The following UTRN variants were observed in gnomAD, a reference collection of about 807,000 sequenced individuals.
The protein encoded by UTRN is utrophin.
Under a neutral mutation model 463.9 loss-of-function variants are expected in UTRN, and 283 were observed. The observed-to-expected ratio is 0.61, with a 90% CI of 0.55 to 0.67. UTRN has a LOEUF of 0.67. UTRN is among the 30% of genes least tolerant of loss of function. UTRN has a pLI of 0.00. For missense variants in UTRN, 3,922 were observed against 4,084.3 expected (o/e 0.96, Z 1.08); for synonymous variants, 1,442 against 1,431.5 (o/e 1.01, Z -0.17).
rs115429951 is a variant in UTRN, at chr6:144,715,242, A to T, written c.7809+14999A>T. ...ATTATTTCAGTTGCTTAGGTAACAA[A>T]TAATAATCACCTTTAGTCCTGCCTT... On this transcript the variant is annotated intron_variant, in intron 53 of 74. Transcript: ENST00000367545. Among the ~76,000 whole-genome samples, 1,355 of 152,276 alleles carry T rather than the reference A, an allele frequency of 8.9e-3. 24 individuals carry two copies. Among genetic ancestry groups the T allele is most frequent in the African/African-American group, 0.031 (1,275 of 41,558 alleles).
At chr6:144,498,664 T>C (rs1300547164) in intron 33 of UTRN, among the ~76,000 whole-genome samples, 1 of 152,046 alleles carries the variant, frequency 6.6e-6, no homozygotes, top group African/African-American at 2.4e-5. Context: ...AACAATCTTT[T>C]TTTTTTTTGA....
chr6:144,472,544 G>T (rs1450984889), intron 23 of UTRN, among the ~76,000 whole-genome samples: 1 of 152,070 alleles, frequency 6.6e-6, no homozygotes, highest in Admixed American at 6.6e-5. Flanking sequence ...TTGGTTCTGG[G>T]TGGCATATTT....
chr6:144,327,611 C>G (rs995716021), intron 2 of UTRN, among the ~76,000 whole-genome samples: 2 of 152,050 alleles, frequency 1.3e-5, no homozygotes, highest in African/African-American at 4.8e-5. Context: ...TAACTCTTTC[C>G]GGTGGTTATG....
chr6:144,483,977 G>A (rs113814375), intron 27 of UTRN, among the ~76,000 whole-genome samples: 6,281 of 152,206 alleles, frequency 0.041, 443 homozygotes, highest in African/African-American at 0.14. Flanking sequence ...AGAGTGGACC[G>A]GCAGGTGCCT....
At chr6:144,663,673 G>T (rs1780108276) in intron 51 of UTRN, among the ~76,000 whole-genome samples, 1 of 152,128 alleles carries the variant, frequency 6.6e-6, no homozygotes, top group African/African-American at 2.4e-5. Flanking sequence ...TCTGCTGTGT[G>T]TGTGAGTGCC....
chr6:144,525,614 T>G (rs1796504151), intron 41 of UTRN, among the ~76,000 whole-genome samples: 1 of 151,986 alleles, frequency 6.6e-6, no homozygotes, highest in African/African-American at 2.4e-5. Flanking sequence ...TTTTATTTAT[T>G]TTTTTAGAGA....
At chr6:144,528,980 A>G (rs1044014564) in intron 41 of UTRN, among the ~76,000 whole-genome samples, 4 of 152,242 alleles carry the variant, frequency 2.6e-5, no homozygotes, top group African/African-American at 2.4e-5. Context: ...TGTGGCTGCT[A>G]TGGGGGATGG....
At position 144,309,156 on chromosome 6, in the gene UTRN, T is replaced by G. The variant is rs78024817; in HGVS notation, c.79+17249T>G. Among the ~76,000 whole-genome samples, 1,425 of 152,288 alleles carry G rather than the reference T, an allele frequency of 9.4e-3. 23 individuals carry two copies. Among genetic ancestry groups the G allele is most frequent in the African/African-American group, 0.033 (1,360 of 41,538 alleles). ...TAGGACACCCCACACGCTCCTGGTT[T>G]CCCACCCATTATCTTTTGCTGATTC... On this transcript the variant is annotated intron_variant, in intron 2 of 74. Transcript: ENST00000367545.
At chr6:144,826,250 A>G (rs967967208) in intron 66 of UTRN, among the ~76,000 whole-genome samples, 1 of 152,060 alleles carries the variant, frequency 6.6e-6, no homozygotes, top group Non-Finnish European at 1.5e-5. Flanking sequence ...GATAATGTTC[A>G]AAAGTCTTTG....
intron 51 of UTRN, among the ~76,000 whole-genome samples, chr6:144,578,155 A>G (rs112739009): frequency 0.19 from 28,517 of 152,064 alleles, 2,806 homozygotes; most frequent in South Asian, 0.31. Flanking sequence ...GTCAGCCAAG[A>G]TCGCACTACT....
intron 14 of UTRN, among the ~76,000 whole-genome samples, chr6:144,445,105 C>G (rs981890715): frequency 1.3e-5 from 2 of 152,120 alleles, no homozygotes; most frequent in Non-Finnish European, 2.9e-5. Context: ...AATCCCAGCA[C>G]TTTGGGAGGC....
At chr6:144,716,184 A>C (rs1268869186) in intron 53 of UTRN, among the ~76,000 whole-genome samples, 1 of 152,098 alleles carries the variant, frequency 6.6e-6, no homozygotes, top group Admixed American at 6.5e-5. Context: ...TTTTTATTTA[A>C]GGGAAAATGA....
chr6:144,827,956 C>A (rs931808146), intron 68 of UTRN, among the ~76,000 whole-genome samples: 1 of 152,050 alleles, frequency 6.6e-6, no homozygotes, highest in Non-Finnish European at 1.5e-5. Context: ...GATGGTGTAA[C>A]CAAGTTTCAG....
intron 52 of UTRN, among the ~76,000 whole-genome samples, chr6:144,681,605 C>G (rs1782200753): frequency 6.6e-6 from 1 of 151,006 alleles, no homozygotes; most frequent in Non-Finnish European, 1.5e-5. Context: ...TTGCAGAGGA[C>G]TAAAGAGACA....
chr6:144,459,063 G>A, intron 20 of UTRN, 52 bp downstream of exon 20: 2 of 1,567,306 alleles, frequency 1.3e-6, no homozygotes, highest in Non-Finnish European at 1.7e-6. Flanking sequence ...CAGTTCCAGA[G>A]TTAAGGAGGG....
Position 144,757,583 on chromosome 6 carries a change from T to C in UTRN, c.8435-346T>C, listed in dbSNP as rs528746448. 3.9e-5 allele frequency among the ~76,000 whole-genome samples: 6 copies of C among 152,276 alleles called. No individual in the cohort carries two copies. The East Asian group carries it at 7.7e-4, about 20-fold the overall frequency. On this transcript the variant is annotated intron_variant, in intron 57 of 74. Coordinates refer to ENST00000367545, the MANE Select transcript of UTRN (RefSeq NM_007124.3). ...TGGATATACCAGGTAAAATTAATTT[T>C]GGTTTTAGCTTTATCAAAAATATAT...
intron 29 of UTRN, 57 bp from the exon 30 acceptor site, chr6:144,488,616 A>T: frequency 6.4e-7 from 1 of 1,568,056 alleles, no homozygotes; most frequent in Middle Eastern, 1.7e-4. Flanking sequence ...GAATATATAT[A>T]TTCTGCTATT....
intron 2 of UTRN, among the ~76,000 whole-genome samples, chr6:144,333,859 C>CTCTCATTTTATTCATTCGTTCAGTAAATA (rs1776512360): frequency 6.6e-6 from 1 of 151,876 alleles, no homozygotes; most frequent in African/African-American, 2.4e-5. Flanking sequence ...TTTTGTTTAC[C>CTCTCATTTTATTCATTCGTTCAGTAAATA]TCTCATTTTA....
intron 34 of UTRN, among the ~76,000 whole-genome samples, chr6:144,507,209 C>A (rs1441662551): frequency 6.6e-6 from 1 of 151,798 alleles, no homozygotes; most frequent in Non-Finnish European, 1.5e-5. Flanking sequence ...TGGGTTAGAA[C>A]TTGCTCCTTT....
Sources: gnomAD v4.1 joint callset for allele counts (sites outside exome capture counted in the v4.1 genomes callset) on GRCh38, gnomAD v4.1.1 for gene constraint, MANE v1.5 for transcripts, NCBI Gene and HGNC (gene_info 2026-07-23, HGNC 2026-07-21) for gene names.